Variants in NTAQ1 observed in about 807,000 individuals in gnomAD.
The protein encoded by NTAQ1 is protein N-terminal glutamine amidohydrolase.
In NTAQ1, 21 loss-of-function variants were observed where a neutral mutation model predicts 28.2. The ratio of observed to expected loss-of-function variants is 0.74; its 90% CI spans 0.53 to 1.07. The LOEUF (loss-of-function observed/expected upper bound fraction) is 1.07. Ranked by LOEUF, NTAQ1 falls within the 50% of genes least tolerant of loss-of-function variation. The pLI is 0.00. For missense variants in NTAQ1, 264 were observed against 256.6 expected (o/e 1.03, Z -0.20); for synonymous variants, 105 against 90.0 (o/e 1.17, Z -0.94).
chr8:123,459,052 T>C (rs2130414799), intron 6 of NTAQ1, among the ~76,000 whole-genome samples: 2 of 152,066 alleles, frequency 1.3e-5, no homozygotes, highest in East Asian at 4.0e-4. Context: ...CACTCCAGCC[T>C]GGCAACAGAG....
At chr8:123,463,826 T>A (rs1407754396) in intron 6 of NTAQ1, among the ~76,000 whole-genome samples, 1 of 152,154 alleles carries the variant, frequency 6.6e-6, no homozygotes, top group Non-Finnish European at 1.5e-5. Flanking sequence ...ATGGTGATAT[T>A]TGGTTGTGTC....
intron 1 of NTAQ1, among the ~76,000 whole-genome samples, chr8:123,421,516 T>G (rs1813689801): frequency 6.7e-6 from 1 of 150,186 alleles, no homozygotes; most frequent in African/African-American, 2.4e-5. Context: ...TTTTTCCTTT[T>G]TTTTTTTTTT....
chr8:123,422,243 T>C (rs1813743215), intron 1 of NTAQ1, among the ~76,000 whole-genome samples: 1 of 151,872 alleles, frequency 6.6e-6, no homozygotes, highest in African/African-American at 2.4e-5. Context: ...TTTGCAAATA[T>C]TTTCTTGCAT....
At chr8:123,447,571 T>C (rs1422628630) in intron 6 of NTAQ1, among the ~76,000 whole-genome samples, 2 of 152,092 alleles carry the variant, frequency 1.3e-5, no homozygotes, top group South Asian at 2.1e-4. Flanking sequence ...GGTTTTCATA[T>C]AGCTCACCAA....
At chr8:123,446,244 A>T (rs1815279965), downstream of NTAQ1, among the ~76,000 whole-genome samples, 1 of 150,720 alleles carries the variant, frequency 6.6e-6, no homozygotes, top group African/African-American at 2.4e-5. Context: ...GCCTCAAGTG[A>T]TTCCCCCCAC....
At chr8:123,444,596 T>TA (rs1388982635), downstream of NTAQ1, among the ~76,000 whole-genome samples, 1 of 152,218 alleles carries the variant, frequency 6.6e-6, no homozygotes, top group Non-Finnish European at 1.5e-5. Flanking sequence ...AAGCTCTGCC[T>TA]CCCGGGTTCA....
At chr8:123,423,420 CT>C (rs1409877842) in intron 1 of NTAQ1, among the ~76,000 whole-genome samples, 28 of 142,602 alleles carry the variant, frequency 2.0e-4, no homozygotes, top group East Asian at 8.4e-4. Flanking sequence ...CCTTTTCCTT[CT>C]CTTCTGTTTC....
chr8:123,427,815 G>A (rs1814154262), intron 1 of NTAQ1, 109 bp from the exon 2 acceptor site: 12 of 815,954 alleles, frequency 1.5e-5, no homozygotes, highest in Non-Finnish European at 2.0e-5. Flanking sequence ...GGATGACATG[G>A]GGTTTAAGGT....
intron 3 of NTAQ1, 88 bp downstream of exon 3, chr8:123,430,121 A>AGCCTTTCTCTACTGCTT: frequency 2.1e-6 from 2 of 934,284 alleles, no homozygotes; most frequent in Non-Finnish European, 3.3e-6. Context: ...GAAGTGACCT[A>AGCCTTTCTCTACTGCTT]AGCAGTAGAG....
intron 6 of NTAQ1, among the ~76,000 whole-genome samples, chr8:123,454,352 TTTG>T (rs1183533499): frequency 6.9e-6 from 1 of 144,648 alleles, no homozygotes; most frequent in African/African-American, 2.5e-5. Flanking sequence ...TGGATGCAAT[TTTG>T]TTTTTTGTTT....
chr8:123,456,126 G>C (rs1451142073), intron 6 of NTAQ1, among the ~76,000 whole-genome samples: 1 of 152,172 alleles, frequency 6.6e-6, no homozygotes, highest in Non-Finnish European at 1.5e-5. Context: ...TTAGGTTCTT[G>C]CATCTCCAAT....
At chr8:123,419,081 G>GTTTTTTTTTTTTTTTTT (rs762479894) in intron 1 of NTAQ1, among the ~76,000 whole-genome samples, 1 of 119,920 alleles carries the variant, frequency 8.3e-6, no homozygotes, top group African/African-American at 3.4e-5. Flanking sequence ...AGCTTTGGGG[G>GTTTTTTTTTTTTTTTTT]TTTTTTTTTT....
chr8:123,420,266 G>A (rs1813597522), intron 1 of NTAQ1, among the ~76,000 whole-genome samples: 1 of 152,170 alleles, frequency 6.6e-6, no homozygotes, highest in Non-Finnish European at 1.5e-5. Flanking sequence ...TCATTGCTGT[G>A]TAGTATTCCA....
chr8:123,447,823 G>GT (rs1276731289), intron 6 of NTAQ1, among the ~76,000 whole-genome samples: 2 of 152,192 alleles, frequency 1.3e-5, no homozygotes, highest in African/African-American at 4.8e-5. Flanking sequence ...CCAAGAGCTG[G>GT]TAGATTTGGC....
Position 123,441,509 on chromosome 8 carries a change from T to C in NTAQ1, c.*94T>C, listed in dbSNP as rs1815069006. 1.0e-6 allele frequency: 1 copy of C among 952,864 alleles called. No homozygotes were observed. The allele number at this position is 952,864 out of a possible 1,614,324, so 59.0% of individuals were successfully genotyped here. ...CAGCAAACATTATGGTACAGTTGGC[T>C]TGGAATTATGTCTTTCTCTTTTAAT... is the stretch of plus-strand genomic sequence containing the variant. On this transcript the variant is annotated 3_prime_UTR_variant, in exon 6 of 6. Coordinates refer to ENST00000287387, the MANE Select transcript of NTAQ1 (RefSeq NM_018024.3).
At chr8:123,441,266 G>A in intron 5 of NTAQ1, 40 bp from the exon 6 acceptor site, 2 of 1,536,394 alleles carry the variant, frequency 1.3e-6, no homozygotes. Flanking sequence ...AACCAAAATT[G>A]TGTTTTCAGT....
At chr8:123,430,286 C>T (rs1035563905) in intron 3 of NTAQ1, among the ~76,000 whole-genome samples, 1 of 152,172 alleles carries the variant, frequency 6.6e-6, no homozygotes, top group Non-Finnish European at 1.5e-5. Flanking sequence ...GATCTAGACT[C>T]TTACCATTTA....
chr8:123,453,387 A>G (rs1021315468), intron 6 of NTAQ1, among the ~76,000 whole-genome samples: 8 of 151,306 alleles, frequency 5.3e-5, no homozygotes, highest in Non-Finnish European at 1.2e-4. Context: ...GGCAGGGAAG[A>G]GAATATTTCA....
chr8:123,424,072 G>GTTTTTTTTTTTT (rs35733686), intron 1 of NTAQ1, among the ~76,000 whole-genome samples: 1 of 85,848 alleles, frequency 1.2e-5, no homozygotes, highest in Non-Finnish European at 2.1e-5. Flanking sequence ...ATTTTTATGC[G>GTTTTTTTTTTTT]TTTTTTTTTT....
Sources: allele counts gnomAD v4.1 joint callset (sites outside exome capture counted in the v4.1 genomes callset), GRCh38; gene constraint gnomAD v4.1.1; transcripts MANE v1.5; gene names NCBI Gene and HGNC (gene_info 2026-07-23, HGNC 2026-07-21).